NDUFA9: variants seen among roughly 807,000 people sequenced by gnomAD.
NDUFA9 encodes NADH dehydrogenase [ubiquinone] 1 alpha subcomplex subunit 9, mitochondrial.
A neutral mutation model predicts 45.9 loss-of-function variants in NDUFA9; 23 were observed. That is an observed-to-expected ratio of 0.50 (90% CI 0.36 to 0.71). The LOEUF is 0.71. NDUFA9 is among the 30% of genes least tolerant of loss of function. The probability of loss-of-function intolerance (pLI) is 0.00; values close to 1 mark genes in which losing one functional copy is unlikely to be tolerated. For synonymous variants in NDUFA9, 176 were observed against 170.5 expected (o/e 1.03, Z -0.25); for missense variants, 466 against 488.2 (o/e 0.95, Z 0.43).
chr12:4,668,409 C>A lies in NDUFA9; in HGVS notation c.656-48C>A, dbSNP rs758276766. ...TTAATCTTAAGACTGTTGGATCTTA[C>A]AGCAATTTAAGCCTTCTCAGTATAG... On this transcript the variant is annotated intron_variant, in intron 6 of 10. Transcript: ENST00000266544. The A allele has an allele frequency of 1.4e-5, 20 of 1,408,266 alleles. No homozygotes were observed. The East Asian group carries it at 3.2e-4, about 22-fold the overall frequency. The allele number at this position is 1,408,266 out of a possible 1,614,324, so 87.2% of individuals were successfully genotyped here.
intron 8 of NDUFA9, among the ~76,000 whole-genome samples, chr12:4,673,047 C>T (rs1945896952): frequency 6.6e-6 from 1 of 152,220 alleles, no homozygotes; most frequent in African/African-American, 2.4e-5. Flanking sequence ...AGGCAACAAT[C>T]TTTGCTGTTC....
intron 5 of NDUFA9, among the ~76,000 whole-genome samples, chr12:4,660,526 G>C (rs969210179): frequency 1.3e-5 from 2 of 152,094 alleles, no homozygotes; most frequent in Non-Finnish European, 2.9e-5. Context: ...AGTGATGAGA[G>C]AGGATAAGAT....
chr12:4,665,746 G>GTTTTT (rs10657164), intron 6 of NDUFA9, among the ~76,000 whole-genome samples: 8 of 143,910 alleles, frequency 5.6e-5, no homozygotes, highest in African/African-American at 1.5e-4. Context: ...GTTATTTTCT[G>GTTTTT]TTTTTTTTTT....
intron 8 of NDUFA9, among the ~76,000 whole-genome samples, chr12:4,680,138 G>A (rs567136003): frequency 6.6e-6 from 1 of 152,258 alleles, no homozygotes; most frequent in South Asian, 2.1e-4. Context: ...GAAAATTTGA[G>A]GACAGAAGAT....
rs1225565138 is a variant in NDUFA9 at position 4,688,670 on chromosome 12, C to T, written c.*1562C>T. ...TATTAATCCAGGTTGCTGACCCCACCCCAGACCTACTGAATCAGAGTCTCA... is the reference window on the plus strand; with the variant it reads ...TATTAATCCAGGTTGCTGACCCCACTCCAGACCTACTGAATCAGAGTCTCA... On this transcript the variant is annotated 3_prime_UTR_variant, in exon 11 of 11. Coordinates refer to ENST00000266544, the MANE Select transcript of NDUFA9 (RefSeq NM_005002.5). The T allele has an allele frequency of 6.6e-6, 1 of 152,132 alleles. No homozygotes were observed. 9.4% of individuals were successfully genotyped at this position (152,132 alleles called of 1,614,324 possible). A position where few individuals can be genotyped will look rare whatever the true frequency, so the allele number is the denominator to read the frequency against.
intron 4 of NDUFA9, 46 bp downstream of exon 4, chr12:4,657,885 G>T (rs765014922): frequency 1.4e-6 from 2 of 1,445,174 alleles, no homozygotes; most frequent in Non-Finnish European, 1.9e-6. Context: ...TCTTTCTTAG[G>T]GTTTAATGGA....
chr12:4,662,677 T>A (rs1342374517), intron 6 of NDUFA9, 42 bp downstream of exon 6: 3 of 1,485,932 alleles, frequency 2.0e-6, no homozygotes, highest in Admixed American at 1.7e-5. Flanking sequence ...GGATACTGAT[T>A]AACCAAGTTG....
intron 8 of NDUFA9, among the ~76,000 whole-genome samples, chr12:4,670,433 C>G (rs776922112): frequency 2.1e-4 from 32 of 152,138 alleles, no homozygotes; most frequent in Non-Finnish European, 4.3e-4. Flanking sequence ...TCAAATTCAC[C>G]TGGTAAGTGG....
chr12:4,684,382 T>C (rs1004262521), intron 9 of NDUFA9, among the ~76,000 whole-genome samples: 1 of 152,194 alleles, frequency 6.6e-6, no homozygotes, highest in African/African-American at 2.4e-5. Context: ...GTTGCAGTGA[T>C]GGGTGATACT....
chr12:4,669,632 C>T, intron 7 of NDUFA9, 109 bp from the exon 8 acceptor site: 28 of 616,520 alleles, frequency 4.5e-5, no homozygotes, highest in South Asian at 1.6e-4. Flanking sequence ...CTCCTTTCTC[C>T]TTCCTTCCTT....
chr12:4,668,511 A>T lies in NDUFA9; in HGVS notation c.710A>T (p.Lys237Ile). The change falls in exon 7 of 11, where the codon AAA becomes ATA. Residue 237 changes from lysine to isoleucine, a missense_variant. Physicochemically the swap from Lys to Ile is moderately radical, Grantham distance 102. Coordinates refer to ENST00000266544, the MANE Select transcript of NDUFA9 (RefSeq NM_005002.5). ...PLGSLGWKTV[K>I]QPVYVVDVSK... Reference sequence around the variant, plus strand: ...GGTTCCTTGGGCTGGAAGACAGTTAAACAACCAGTATATGTAAGTACTTGG... The same window carrying T: ...GGTTCCTTGGGCTGGAAGACAGTTATACAACCAGTATATGTAAGTACTTGG... 4 of 1,612,082 alleles carry T rather than the reference A, an allele frequency of 2.5e-6. No homozygotes were observed. The South Asian group carries it at 4.4e-5, about 18-fold the overall frequency.
intron 8 of NDUFA9, among the ~76,000 whole-genome samples, chr12:4,671,142 A>C (rs1945884791): frequency 6.6e-6 from 1 of 152,216 alleles, no homozygotes. Flanking sequence ...TTTGAGGCTA[A>C]GGCAGTGGCA....
At chr12:4,679,326 T>C (rs768103432) in intron 8 of NDUFA9, among the ~76,000 whole-genome samples, 23 of 152,212 alleles carry the variant, frequency 1.5e-4, no homozygotes, top group Non-Finnish European at 2.8e-4. Context: ...ATGGTAATGA[T>C]TGTACAACTT....
At chr12:4,672,039 G>T (rs1230014132) in intron 8 of NDUFA9, among the ~76,000 whole-genome samples, 2 of 152,188 alleles carry the variant, frequency 1.3e-5, no homozygotes, top group African/African-American at 2.4e-5. Flanking sequence ...CAACTGAGGT[G>T]CCTGGTTCAT....
chr12:4,663,708 A>G (rs1430152252), intron 6 of NDUFA9, among the ~76,000 whole-genome samples: 1 of 152,190 alleles, frequency 6.6e-6, no homozygotes. Flanking sequence ...AGTCTATGGT[A>G]TTTTGTTATG....
At chr12:4,669,999 A>G (rs1945876647) in intron 8 of NDUFA9, among the ~76,000 whole-genome samples, 182 bp downstream of exon 8, 1 of 152,222 alleles carries the variant, frequency 6.6e-6, no homozygotes, top group Non-Finnish European at 1.5e-5. Context: ...TTCTGTTACC[A>G]AGGTCTGAGA....
At chr12:4,683,061 C>G (rs1478497929) in intron 9 of NDUFA9, among the ~76,000 whole-genome samples, 3 of 151,944 alleles carry the variant, frequency 2.0e-5, no homozygotes, top group Non-Finnish European at 4.4e-5. Context: ...GTGACTGCTA[C>G]TGCGCACAGT....
chr12:4,664,458 C>G (rs543135631), intron 6 of NDUFA9, among the ~76,000 whole-genome samples: 11 of 152,336 alleles, frequency 7.2e-5, no homozygotes, highest in African/African-American at 2.6e-4. Flanking sequence ...GGAAGAATGA[C>G]CCCAAAAGGG....
chr12:4,657,971 C>G, intron 4 of NDUFA9, 132 bp downstream of exon 4: 2 of 713,986 alleles, frequency 2.8e-6, no homozygotes, highest in South Asian at 3.2e-5. Flanking sequence ...GGTTGAACAA[C>G]CACTTGCATA....
Sources: gnomAD v4.1 joint callset for allele counts (sites outside exome capture counted in the v4.1 genomes callset) on GRCh38, gnomAD v4.1.1 for gene constraint, MANE v1.5 for transcripts, NCBI Gene and HGNC (gene_info 2026-07-23, HGNC 2026-07-21) for gene names.